The following SMG6 variants were observed in gnomAD, a reference collection of about 807,000 sequenced individuals.
SMG6 encodes SMG6 nonsense mediated mRNA decay factor.
A neutral mutation model predicts 142.2 loss-of-function variants in SMG6; 66 were observed. The ratio of observed to expected loss-of-function variants is 0.46; its 90% CI spans 0.38 to 0.57. The LOEUF (loss-of-function observed/expected upper bound fraction) is 0.57, where lower values mean the gene tolerates loss of function less well. Ranked by LOEUF, SMG6 falls within the 20% of genes least tolerant of loss-of-function variation. The pLI, the probability that SMG6 is intolerant of heterozygous loss-of-function variation, is 0.00. For synonymous variants in SMG6, 779 were observed against 702.4 expected (o/e 1.11, Z -1.72); for missense variants, 1,793 against 1,832.0 (o/e 0.98, Z 0.39).
intron 6 of SMG6, among the ~76,000 whole-genome samples, chr17:2,291,291 A>G (rs977335120): frequency 1.3e-5 from 2 of 151,982 alleles, no homozygotes; most frequent in South Asian, 2.1e-4. Flanking sequence ...AGATCGCGCC[A>G]CTGCACTCCA....
At chr17:2,159,483 T>G (rs2071109136) in intron 13 of SMG6, among the ~76,000 whole-genome samples, 1 of 152,076 alleles carries the variant, frequency 6.6e-6, no homozygotes, top group Non-Finnish European at 1.5e-5. Context: ...AGATACTACT[T>G]CACACTTACT....
intron 4 of SMG6, among the ~76,000 whole-genome samples, chr17:2,295,941 T>G (rs1366313228): frequency 1.3e-5 from 2 of 152,052 alleles, no homozygotes; most frequent in African/African-American, 2.4e-5. Context: ...TCCATTCTAT[T>G]TCCTTTCTTT....
At position 2,068,012 on chromosome 17, in the gene SMG6, T is replaced by G. The variant is rs2067998239; in HGVS notation, c.3835+766A>C. On this transcript the variant is annotated intron_variant, in intron 16 of 18. Transcript: ENST00000263073. The surrounding 1 kb of genome is among the most constrained non-coding windows in gnomAD (Gnocchi z 6.7). Reference sequence around the variant, plus strand: ...CCTCCCAATCATCTCCTAGACTCTCTCCCTCCACAGAGGCCATCAGCTAGA... The same window carrying G: ...CCTCCCAATCATCTCCTAGACTCTCGCCCTCCACAGAGGCCATCAGCTAGA... Among the ~76,000 whole-genome samples the G allele has an allele frequency of 6.6e-6, 1 of 151,960 alleles. No individual in the cohort carries two copies. The highest frequency in any genetic ancestry group is 6.6e-5 in the Admixed American group (1 of 15,266).
chr17:2,173,548 G>C (rs138379640), intron 12 of SMG6, among the ~76,000 whole-genome samples: 1 of 152,236 alleles, frequency 6.6e-6, no homozygotes, highest in Non-Finnish European at 1.5e-5. Flanking sequence ...GTGAGATACA[G>C]GGTGATCAAC....
At chr17:2,123,683 T>C (rs2069775483) in intron 13 of SMG6, among the ~76,000 whole-genome samples, 1 of 152,178 alleles carries the variant, frequency 6.6e-6, no homozygotes, top group Non-Finnish European at 1.5e-5. Flanking sequence ...AGAATGGAGA[T>C]GGCACAACAA....
intron 12 of SMG6, among the ~76,000 whole-genome samples, chr17:2,177,077 C>T (rs898809792): frequency 1.3e-5 from 2 of 152,064 alleles, no homozygotes; most frequent in East Asian, 1.9e-4. Context: ...ATATTGACTC[C>T]GGAATCAGAT....
At chr17:2,065,742 T>G in intron 16 of SMG6, 63 bp from the exon 17 acceptor site, 2 of 1,381,544 alleles carry the variant, frequency 1.4e-6, no homozygotes, top group Non-Finnish European at 2.0e-6. Context: ...TAGGCCTCTG[T>G]CCATTCACTT....
intron 8 of SMG6, among the ~76,000 whole-genome samples, chr17:2,263,975 A>G (rs1285982572): frequency 1.3e-5 from 2 of 152,216 alleles, no homozygotes; most frequent in African/African-American, 4.8e-5. Context: ...ACAAAAACCA[A>G]TATAGGAAGT....
chr17:2,236,165 C>T (rs1263150336), intron 10 of SMG6: 3 of 189,266 alleles, frequency 1.6e-5, no homozygotes, highest in African/African-American at 7.0e-5. Context: ...CAATGCCTCT[C>T]CCTTGGGAGA....
intron 10 of SMG6, chr17:2,214,231 A>T: frequency 6.6e-6 from 1 of 152,222 alleles, no homozygotes; most frequent in Admixed American, 6.6e-5. Context: ...GGCTGCCCAC[A>T]CCCCAGCTCA....
intron 13 of SMG6, among the ~76,000 whole-genome samples, chr17:2,140,303 T>C (rs568785653): frequency 6.7e-6 from 1 of 149,660 alleles, no homozygotes; most frequent in Admixed American, 6.6e-5. Context: ...GTGATCTGCA[T>C]GCCTCAGCCT....
At chr17:2,158,303 T>C (rs1408972713) in intron 13 of SMG6, among the ~76,000 whole-genome samples, 1 of 152,086 alleles carries the variant, frequency 6.6e-6, no homozygotes, top group East Asian at 1.9e-4. Flanking sequence ...TTAAGAACAG[T>C]TTATCATTAT....
At chr17:2,175,663 C>T (rs1376622397) in intron 12 of SMG6, among the ~76,000 whole-genome samples, 1 of 152,152 alleles carries the variant, frequency 6.6e-6, no homozygotes, top group Non-Finnish European at 1.5e-5. Context: ...ACGAGAATCC[C>T]TACCTCAATG....
At chr17:2,259,001 C>T (rs943030165) in intron 8 of SMG6, among the ~76,000 whole-genome samples, 20 of 151,860 alleles carry the variant, frequency 1.3e-4, no homozygotes, top group Non-Finnish European at 1.0e-4. Context: ...TTGCTTCAAC[C>T]CAGGAAGCGG....
intron 10 of SMG6, among the ~76,000 whole-genome samples, chr17:2,195,962 C>T (rs1412125346): frequency 6.6e-6 from 1 of 152,164 alleles, no homozygotes; most frequent in African/African-American, 2.4e-5. Context: ...TCAGACTACT[C>T]CAACCACAGT....
At chr17:2,095,760 C>G (rs1295883841) in intron 13 of SMG6, among the ~76,000 whole-genome samples, 1 of 152,174 alleles carries the variant, frequency 6.6e-6, no homozygotes, top group African/African-American at 2.4e-5. Flanking sequence ...CGGATGGGTC[C>G]CGAGGAAGTC....
At chr17:2,178,231 C>T (rs760390364) in intron 12 of SMG6, among the ~76,000 whole-genome samples, 1 of 152,114 alleles carries the variant, frequency 6.6e-6, no homozygotes, top group Non-Finnish European at 1.5e-5. Context: ...GAATTCTATG[C>T]GGCTCCTGGA....
In SMG6 at chr17:2,303,637, G is replaced by A. The variant is rs1394483821; in HGVS notation, c.84C>T (p.Ser28=). 1 of 1,483,590 alleles carries A rather than the reference G, an allele frequency of 6.7e-7. No homozygotes were observed. Among genetic ancestry groups the A allele is most frequent in the South Asian group, 1.3e-5 (1 of 78,958 alleles). The allele number at this position is 1,483,590 out of a possible 1,614,324, so 91.9% of individuals were successfully genotyped here. The stretch of plus-strand genomic sequence containing the variant: ...GAGCTGGGCGGCGCGACTCACCTCT[G>A]CTCCCGGCCTGCGGGGCCAGAGTAG... ...ILATLAPQAG[S]RENMKELKEA... is the part of the protein sequence containing the mutation. Residue 28 remains serine, a synonymous_variant, in exon 1 of 19, where the codon AGC becomes AGT. Coordinates refer to ENST00000263073, the MANE Select transcript of SMG6 (RefSeq NM_017575.5).
chr17:2,138,284 A>G (rs955185057), intron 13 of SMG6, among the ~76,000 whole-genome samples: 7 of 152,166 alleles, frequency 4.6e-5, no homozygotes, highest in African/African-American at 1.7e-4. Context: ...GGAAATGAGA[A>G]CTGGATACTC....
Sources: allele counts gnomAD v4.1 joint callset (sites outside exome capture counted in the v4.1 genomes callset), GRCh38; gene constraint gnomAD v4.1.1; non-coding constraint Gnocchi (gnomAD v3.1); transcripts MANE v1.5; gene names NCBI Gene and HGNC (gene_info 2026-07-23, HGNC 2026-07-21).